The following PKNOX2 variants were observed in gnomAD, a reference collection of about 807,000 sequenced individuals.
The protein encoded by PKNOX2 is PBX/knotted 1 homeobox 2, also known as homeobox protein PKNOX2.
In PKNOX2, 14 loss-of-function variants were observed where a neutral mutation model predicts 53.1. The ratio of observed to expected loss-of-function variants is 0.26; its 90% CI spans 0.17 to 0.41. PKNOX2 has a LOEUF of 0.41. Among genes scored for constraint, PKNOX2 ranks in the 10% least tolerant of loss-of-function variants. The pLI, the probability that PKNOX2 is intolerant of heterozygous loss-of-function variation, is 1.00. For synonymous variants in PKNOX2, 257 were observed against 242.8 expected, an observed-to-expected ratio of 1.06 and a Z score of -0.54; for missense variants, 496 against 602.8, an observed-to-expected ratio of 0.82 and a Z score of 1.85.
At chr11:125,291,027 C>G (rs1947270623) in intron 2 of PKNOX2, among the ~76,000 whole-genome samples, 2 of 152,176 alleles carry the variant, frequency 1.3e-5, no homozygotes, top group Non-Finnish European at 2.9e-5. Context: ...CCATGTCATT[C>G]CAATGGCAGA....
At chr11:125,250,220 G>A (rs1943893324) in intron 2 of PKNOX2, among the ~76,000 whole-genome samples, 1 of 152,040 alleles carries the variant, frequency 6.6e-6, no homozygotes, top group African/African-American at 2.4e-5. Flanking sequence ...CCAGCTTGGG[G>A]TGATAAATTT....
In PKNOX2 at chr11:125,213,617, C is replaced by G. The variant is rs988890833; in HGVS notation, c.-200-21428C>G. Among the ~76,000 whole-genome samples the G allele has an allele frequency of 3.9e-5, 6 of 151,986 alleles. 1 individual carries two copies. The highest frequency in any genetic ancestry group is 1.5e-5 in the Non-Finnish European group (1 of 67,962). On this transcript the variant is annotated intron_variant, in intron 1 of 12. Coordinates refer to ENST00000298282, the MANE Select transcript of PKNOX2 (RefSeq NM_001382323.2). Reference sequence around the variant, plus strand: ...GGACTACAGGCACATGCCACCACACCCAGCTAATTTTTGTAATTTTTGTAA... The same window carrying G: ...GGACTACAGGCACATGCCACCACACGCAGCTAATTTTTGTAATTTTTGTAA...
intron 1 of PKNOX2, among the ~76,000 whole-genome samples, chr11:125,168,201 A>C (rs1955032634): frequency 6.6e-6 from 1 of 152,270 alleles, no homozygotes. Context: ...CTTGAGAAGG[A>C]ACAAGGCAGG....
rs1379434582 is a variant in PKNOX2 at position 125,431,559 on chromosome 11, C to A, written c.*167C>A. ...GGCAAAGGAGACACCTGTTCCTTCCCAACCACCGAGCTTCAATGAGGACCC... is the reference window on the plus strand; with the variant it reads ...GGCAAAGGAGACACCTGTTCCTTCCAAACCACCGAGCTTCAATGAGGACCC... On this transcript the variant is annotated 3_prime_UTR_variant, in exon 13 of 13. Transcript: ENST00000298282. 3 of 788,080 alleles carry A rather than the reference C, an allele frequency of 3.8e-6. No homozygotes were observed. Among genetic ancestry groups the A allele is most frequent in the Non-Finnish European group, 5.9e-6 (3 of 510,422 alleles). The allele number at this position is 788,080 out of a possible 1,614,324, so 48.8% of individuals were successfully genotyped here.
chr11:125,277,505 T>G (rs1946253813), intron 2 of PKNOX2: 1 of 152,172 alleles, frequency 6.6e-6, no homozygotes, highest in African/African-American at 2.4e-5. Flanking sequence ...TAAGTGAGCT[T>G]GGGTTTTTGA....
intron 1 of PKNOX2, among the ~76,000 whole-genome samples, chr11:125,219,325 C>T (rs1210618826): frequency 6.6e-6 from 1 of 151,950 alleles, no homozygotes; most frequent in Non-Finnish European, 1.5e-5. Flanking sequence ...GTAATCCCAG[C>T]TACTTTGTAG....
chr11:125,351,338 G>A lies in PKNOX2; in HGVS notation c.33G>A (p.Leu11=). 6.2e-7 allele frequency: 1 copy of A among 1,610,496 alleles called. No individual in the cohort carries two copies. The highest frequency in any genetic ancestry group is 8.5e-7 in the Non-Finnish European group (1 of 1,177,988). ...AACATGCCTCCCCAGCCCCCGCTCT[G>A]ACGATGATGGCCACGCAGAATGTCC... The part of the protein sequence containing the change: MMQHASPAPA[L]TMMATQNVPP... The change falls in exon 4 of 13, where the codon CTG becomes CTA. Residue 11 remains leucine, a synonymous_variant. Coordinates refer to ENST00000298282, the MANE Select transcript of PKNOX2 (RefSeq NM_001382323.2).
intron 7 of PKNOX2, among the ~76,000 whole-genome samples, chr11:125,407,750 AC>A (rs113824499): frequency 0.35 from 52,138 of 149,982 alleles, 9,353 homozygotes; most frequent in Middle Eastern, 0.49. Flanking sequence ...CAAAAAACAA[AC>A]AAAAAAAAAA....
rs1706971147 is a variant in PKNOX2, at chr11:125,191,235, G to A, written c.-201+26459G>A. On this transcript the variant is annotated intron_variant, in intron 1 of 12. Transcript: ENST00000298282. The stretch of plus-strand genomic sequence containing the variant: ...TGCCCAAAGAGACCCAGCTAATGCA[G>A]ATGGCAGAGGCAGGATTCAAGAACA... 2.0e-5 allele frequency: 3 copies of A among 152,206 alleles called. No homozygotes were observed. The South Asian group carries it at 6.2e-4, about 31-fold the overall frequency. 9.4% of individuals were successfully genotyped at this position (152,206 alleles called of 1,614,324 possible).
intron 2 of PKNOX2, among the ~76,000 whole-genome samples, chr11:125,302,093 A>G (rs895034035): frequency 8.5e-5 from 13 of 152,194 alleles, no homozygotes; most frequent in African/African-American, 1.7e-4. Context: ...TCCTGAGTCC[A>G]TGGAGGGGCT....
intron 2 of PKNOX2, among the ~76,000 whole-genome samples, chr11:125,274,479 A>G (rs991699815): frequency 1.3e-5 from 2 of 152,210 alleles, no homozygotes; most frequent in African/African-American, 2.4e-5. Flanking sequence ...CTCATATCAG[A>G]CAGCAACTCA....
chr11:125,366,089 C>A (rs1217432709), intron 4 of PKNOX2, among the ~76,000 whole-genome samples: 2 of 152,220 alleles, frequency 1.3e-5, no homozygotes, highest in Non-Finnish European at 2.9e-5. Context: ...GCATTTGCTT[C>A]TACTTTCTTT....
intron 9 of PKNOX2, chr11:125,411,468 C>CTCTCTCTCTCTT (rs1955514588): frequency 1.3e-5 from 3 of 237,796 alleles, no homozygotes; most frequent in South Asian, 1.0e-4. Context: ...GTCTTTCTCT[C>CTCTCTCTCTCTT]TCTCTCTCTC....
At chr11:125,178,634 G>GAA in intron 1 of PKNOX2, among the ~76,000 whole-genome samples, 1 of 94,378 alleles carries the variant, frequency 1.1e-5, no homozygotes, top group East Asian at 3.3e-4. Flanking sequence ...AAGAAAGAAA[G>GAA]AAAGAAAGAA....
At chr11:125,423,059 C>CACACATATGTATACACATACATATAT (rs1956246231) in intron 10 of PKNOX2, among the ~76,000 whole-genome samples, 1 of 151,654 alleles carries the variant, frequency 6.6e-6, no homozygotes, top group African/African-American at 2.4e-5. Flanking sequence ...CACACACACA[C>CACACATATGTATACACATACATATAT]ACATATGTAT....
chr11:125,397,687 C>G (rs12284562), intron 6 of PKNOX2, among the ~76,000 whole-genome samples, 187 bp from the exon 7 acceptor site: 1 of 152,218 alleles, frequency 6.6e-6, no homozygotes, highest in South Asian at 2.1e-4. Context: ...ATCATTAGAA[C>G]TGAAGTCATG....
At position 125,292,875 on chromosome 11, in the gene PKNOX2, G is replaced by A. The variant is rs144712088; in HGVS notation, c.-129-38944G>A. 2.8e-3 allele frequency among the ~76,000 whole-genome samples: 432 copies of A among 152,262 alleles called. 3 individuals carry two copies. The highest frequency in any genetic ancestry group is 4.4e-3 in the Non-Finnish European group (299 of 68,020). ...TCATCCCCTCTTGATGTGCATGTAC[G>A]GTATGGAAGTGGGGATCTCGGAGAA... On this transcript the variant is annotated intron_variant, in intron 2 of 12. Coordinates refer to ENST00000298282, the MANE Select transcript of PKNOX2 (RefSeq NM_001382323.2).
intron 6 of PKNOX2, among the ~76,000 whole-genome samples, chr11:125,386,334 T>C (rs1953630274): frequency 6.6e-6 from 1 of 152,160 alleles, no homozygotes; most frequent in Admixed American, 6.5e-5. Flanking sequence ...TTCAGTGAGT[T>C]TGGTGGGAGC....
rs116665858 is a variant in PKNOX2, at chr11:125,370,117, G to T, written c.227+2132G>T. On this transcript the variant is annotated intron_variant, in intron 5 of 12. Transcript: ENST00000298282. The surrounding 1 kb of genome is among the most constrained non-coding windows in gnomAD (Gnocchi z 4.1). ...AAGCCCTCCAGATGAGTGGTGTAAC[G>T]AATAGTTTTTGGAAACCTAGGTTTG... Among the ~76,000 whole-genome samples the T allele has an allele frequency of 6.6e-6, 1 of 152,184 alleles. No homozygotes were observed. Among genetic ancestry groups the T allele is most frequent in the Admixed American group, 6.5e-5 (1 of 15,284 alleles).
Sources: allele counts gnomAD v4.1 joint callset (sites outside exome capture counted in the v4.1 genomes callset), GRCh38; gene constraint gnomAD v4.1.1; non-coding constraint Gnocchi (gnomAD v3.1); transcripts MANE v1.5; gene names NCBI Gene and HGNC (gene_info 2026-07-23, HGNC 2026-07-21).